The following PRSS12 variants were observed in gnomAD, a reference collection of about 807,000 sequenced individuals.
PRSS12 encodes the protein neurotrypsin.
PRSS12 carries 85 observed loss-of-function variants against 104.4 expected under a neutral mutation model. The observed-to-expected ratio is 0.81, with a 90% confidence interval of 0.68 to 0.98. The LOEUF (loss-of-function observed/expected upper bound fraction) is 0.98. Among genes scored for constraint, PRSS12 ranks in the 50% least tolerant of loss-of-function variants. PRSS12 has a pLI of 0.00. For synonymous variants in PRSS12, 454 were observed against 425.2 expected, an observed-to-expected ratio of 1.07 and a Z score of -0.83; for missense variants, 1,141 against 1,139.2, an observed-to-expected ratio of 1.00 and a Z score of -0.02.
chr4:118,300,301 C>T (rs1743375698), intron 8 of PRSS12, among the ~76,000 whole-genome samples: 1 of 152,006 alleles, frequency 6.6e-6, no homozygotes, highest in African/African-American at 2.4e-5. Flanking sequence ...GAGTGAGTTA[C>T]CACACCTGGC....
At chr4:118,324,104 T>C (rs1390807326) in intron 4 of PRSS12, among the ~76,000 whole-genome samples, 2 of 151,954 alleles carry the variant, frequency 1.3e-5, no homozygotes, top group South Asian at 2.1e-4. Flanking sequence ...TTCTCCATGT[T>C]GCCCAGTCTG....
In PRSS12 at chr4:118,282,841, C is replaced by T. The variant is rs2126025218; in HGVS notation, c.2310G>A (p.Trp770Ter). ...KTASNCYITG[W>*]GDTGRAYSRT... Reference sequence around the variant, plus strand: ...TTGATTATGCCTTACCTGTGTCACCCCATCCTGTTATGTAACAGTTGGATG... The same window carrying T: ...TTGATTATGCCTTACCTGTGTCACCTCATCCTGTTATGTAACAGTTGGATG... Residue 770 changes from tryptophan to a stop codon, truncating the protein, a stop_gained, in exon 12 of 13, where the codon TGG (tryptophan) becomes TGA (stop). Coordinates refer to ENST00000296498, the MANE Select transcript of PRSS12 (RefSeq NM_003619.4). LOFTEE classifies it high-confidence loss of function. 1 of 1,614,132 alleles carries T rather than the reference C, an allele frequency of 6.2e-7. No homozygotes were observed. The highest frequency in any genetic ancestry group is 2.2e-5 in the East Asian group (1 of 44,878).
intron 11 of PRSS12, among the ~76,000 whole-genome samples, chr4:118,289,168 T>G (rs996329233): frequency 2.0e-5 from 3 of 152,200 alleles, no homozygotes; most frequent in African/African-American, 7.2e-5. Flanking sequence ...CCTAGATTAT[T>G]CTGATACAAA....
intron 1 of PRSS12, among the ~76,000 whole-genome samples, chr4:118,341,663 C>A (rs947704890): frequency 2.0e-5 from 3 of 152,094 alleles, no homozygotes; most frequent in Non-Finnish European, 2.9e-5. Context: ...GCCTGGGCAA[C>A]AAGAGCAAAA....
chr4:118,313,173 A>C (rs770780446), intron 7 of PRSS12, 28 bp downstream of exon 7: 2 of 1,610,396 alleles, frequency 1.2e-6, no homozygotes, highest in Non-Finnish European at 1.7e-6. Flanking sequence ...TGAATGATGG[A>C]AACTTGAGAG....
Position 118,352,806 on chromosome 4 carries a change from C to G in PRSS12, c.-86G>C. ...GAGGAGGGGGCGGGGGCGGGGCTGC[C>G]GCGTCCCTCGAATCCCCCAGCCCCC... On this transcript the variant is annotated 5_prime_UTR_variant, in exon 1 of 13. Transcript: ENST00000296498. The G allele has an allele frequency of 9.0e-6, 14 of 1,559,282 alleles. No homozygotes were observed. The highest frequency in any genetic ancestry group is 1.2e-5 in the Non-Finnish European group (14 of 1,157,422).
intron 2 of PRSS12, among the ~76,000 whole-genome samples, chr4:118,335,897 C>A: frequency 6.6e-6 from 1 of 152,222 alleles, no homozygotes; most frequent in Middle Eastern, 3.4e-3. Flanking sequence ...TGTGCCTTTA[C>A]CACCAATGAC....
intron 8 of PRSS12, among the ~76,000 whole-genome samples, chr4:118,306,189 C>G (rs1743547958): frequency 6.6e-6 from 1 of 152,194 alleles, no homozygotes; most frequent in Non-Finnish European, 1.5e-5. Context: ...TTCCCACCAA[C>G]AGTGTGCATA....
At chr4:118,312,599 CA>C (rs536182437) in intron 7 of PRSS12, among the ~76,000 whole-genome samples, 87 of 151,666 alleles carry the variant, frequency 5.7e-4, no homozygotes, top group African/African-American at 2.1e-3. Flanking sequence ...ACCTTTTATC[CA>C]AAAAGTCTAA....
rs1178315417 is a variant in PRSS12, at chr4:118,318,509, C to A, written c.1019G>T (p.Gly340Val). ...GCGTACTTCATCCAACATAACTGGG[C>A]CAGACCCTTCCCCAAAATATGCCTG... ...WHQAYFGEGS[G>V]PVMLDEVRCT... is the part of the protein sequence containing the mutation. The change falls in exon 5 of 13, where the codon GGC becomes GTC. Residue 340 changes from glycine (G) to valine (V), a missense_variant. Coordinates refer to ENST00000296498, the MANE Select transcript of PRSS12 (RefSeq NM_003619.4). The A allele has an allele frequency of 1.2e-6, 2 of 1,613,980 alleles. No homozygotes were observed. Among genetic ancestry groups the A allele is most frequent in the Non-Finnish European group, 1.7e-6 (2 of 1,180,008 alleles).
rs1723519833 is a variant in PRSS12, at chr4:118,318,629, T to C, written c.972-73A>G. On this transcript the variant is annotated intron_variant, in intron 4 of 12. Coordinates refer to ENST00000296498, the MANE Select transcript of PRSS12 (RefSeq NM_003619.4). ...TGGTCTTTTATTTTTTTTTTGTCCC[T>C]AGTAAAAGCATTATTATTAATCCCC... 7.6e-6 allele frequency: 11 copies of C among 1,447,074 alleles called. No homozygotes were observed. The East Asian group carries it at 2.4e-4, about 32-fold the overall frequency. The allele number at this position is 1,447,074 out of a possible 1,614,324, so 89.6% of individuals were successfully genotyped here. A position where few individuals can be genotyped will look rare whatever the true frequency, so the allele number is the denominator to read the frequency against.
At chr4:118,309,164 A>T (rs1578915023) in intron 7 of PRSS12, among the ~76,000 whole-genome samples, 1 of 152,330 alleles carries the variant, frequency 6.6e-6, no homozygotes, top group South Asian at 2.1e-4. Context: ...TTTTAAGGGA[A>T]AGAATTAAGT....
intron 1 of PRSS12, among the ~76,000 whole-genome samples, chr4:118,346,484 C>A (rs902265250): frequency 1.3e-4 from 20 of 150,226 alleles, no homozygotes; most frequent in African/African-American, 4.9e-4. Context: ...ATAATATTTA[C>A]AATAATTATT....
intron 4 of PRSS12, among the ~76,000 whole-genome samples, chr4:118,323,457 G>GA (rs953651249): frequency 6.7e-6 from 1 of 148,852 alleles, no homozygotes; most frequent in East Asian, 2.0e-4. Context: ...AATATAGGTG[G>GA]AAAAAAAAGA....
intron 2 of PRSS12, among the ~76,000 whole-genome samples, chr4:118,337,119 T>C (rs541089106): frequency 6.6e-6 from 1 of 152,198 alleles, no homozygotes. Flanking sequence ...TATTCAATAC[T>C]CATTCCTCAG....
chr4:118,303,598 C>T (rs762077789), intron 8 of PRSS12: 1 of 152,054 alleles, frequency 6.6e-6, no homozygotes, highest in Non-Finnish European at 1.5e-5. Flanking sequence ...TCTAGTAATT[C>T]ATAGCTGAAA....
At chr4:118,298,370 A>G (rs927512024) in intron 9 of PRSS12, among the ~76,000 whole-genome samples, 1 of 152,190 alleles carries the variant, frequency 6.6e-6, no homozygotes, top group Non-Finnish European at 1.5e-5. Flanking sequence ...ATTCATTTCT[A>G]TATTTTCATT....
intron 1 of PRSS12, 58 bp from the exon 2 acceptor site, chr4:118,338,372 G>C: frequency 6.3e-7 from 1 of 1,598,846 alleles, no homozygotes; most frequent in Non-Finnish European, 8.6e-7. Context: ...TGAACATATT[G>C]AGCCAGTCCT....
At position 118,284,439 on chromosome 4, in the gene PRSS12, A is replaced by G. The variant is rs74793755; in HGVS notation, c.2040-1328T>C. ...TAACATTCTTAAGACTTAATTTCCA[A>G]TAACTTTTCCTTTGTAGTTCCCTGA... On this transcript the variant is annotated intron_variant, in intron 11 of 12. Coordinates refer to ENST00000296498, the MANE Select transcript of PRSS12 (RefSeq NM_003619.4). 5.2e-3 allele frequency among the ~76,000 whole-genome samples: 790 copies of G among 152,228 alleles called. 13 individuals are homozygous for G. The highest frequency in any genetic ancestry group is 0.018 in the African/African-American group (747 of 41,526).
Sources: allele counts gnomAD v4.1 joint callset (sites outside exome capture counted in the v4.1 genomes callset), GRCh38; gene constraint gnomAD v4.1.1; transcripts MANE v1.5; gene names NCBI Gene and HGNC (gene_info 2026-07-23, HGNC 2026-07-21).